Variants in GRM1 observed in about 807,000 individuals in gnomAD.
GRM1 encodes the protein metabotropic glutamate receptor 1.
GRM1 carries 33 observed loss-of-function variants against 90.9 expected under a neutral mutation model. The ratio of observed to expected loss-of-function variants is 0.36; its 90% confidence interval spans 0.28 to 0.49. The LOEUF (loss-of-function observed/expected upper bound fraction) is 0.49, where lower values mean the gene tolerates loss of function less well. Ranked by LOEUF, GRM1 falls within the 20% of genes least tolerant of loss-of-function variation. GRM1 has a pLI of 0.99. For synonymous variants in GRM1, 700 were observed against 613.2 expected (o/e 1.14, Z -2.09); for missense variants, 1,190 against 1,534.3 (o/e 0.78, Z 3.75).
chr6:146,283,125 G>A (rs1782634779), intron 2 of GRM1, among the ~76,000 whole-genome samples: 1 of 152,174 alleles, frequency 6.6e-6, no homozygotes, highest in Non-Finnish European at 1.5e-5. Flanking sequence ...ATAAGGACCA[G>A]ACTTGAGCCC....
chr6:146,335,365 C>A (rs142417891), intron 3 of GRM1, among the ~76,000 whole-genome samples: 1 of 152,118 alleles, frequency 6.6e-6, no homozygotes. Flanking sequence ...TAAATAGGGA[C>A]CCTAAGGGTC....
intron 1 of GRM1, among the ~76,000 whole-genome samples, chr6:146,124,680 CA>C (rs1562478869): frequency 6.6e-6 from 1 of 151,968 alleles, no homozygotes; most frequent in Non-Finnish European, 1.5e-5. Context: ...ATATATATTA[CA>C]ATAAACATTT....
At chr6:146,397,705 G>T (rs1777017401) in intron 6 of GRM1, among the ~76,000 whole-genome samples, 1 of 152,038 alleles carries the variant, frequency 6.6e-6, no homozygotes, top group Non-Finnish European at 1.5e-5. Flanking sequence ...CTGTTGATTA[G>T]TTGGCACTCA....
Position 146,117,541 on chromosome 6 carries a change from T to G in GRM1, c.701-41807T>G, listed in dbSNP as rs532613170. On this transcript the variant is annotated intron_variant, in intron 1 of 7. Coordinates refer to ENST00000282753, the MANE Select transcript of GRM1 (RefSeq NM_001278064.2). ...TCTAATTTATTTTTCTTGTGATCACTTCTATATTTTATTTTCTTTTTGCAC... is the reference window on the plus strand; with the variant it reads ...TCTAATTTATTTTTCTTGTGATCACGTCTATATTTTATTTTCTTTTTGCAC... Among the ~76,000 whole-genome samples, 2 of 152,184 alleles carry G rather than the reference T, an allele frequency of 1.3e-5. 1 individual carries two copies. Among genetic ancestry groups the G allele is most frequent in the South Asian group, 4.1e-4 (2 of 4,826 alleles).
chr6:146,203,443 C>T (rs1221447336), intron 2 of GRM1, among the ~76,000 whole-genome samples: 1 of 152,088 alleles, frequency 6.6e-6, no homozygotes, highest in Admixed American at 6.6e-5. Context: ...TGTAGGAGTG[C>T]ATGCAAAGTG....
intron 1 of GRM1, among the ~76,000 whole-genome samples, chr6:146,155,265 ATG>A (rs1777481942): frequency 6.6e-6 from 1 of 152,208 alleles, no homozygotes; most frequent in Non-Finnish European, 1.5e-5. Context: ...AGATTATAAT[ATG>A]GTACTTTTAC....
intron 1 of GRM1, among the ~76,000 whole-genome samples, chr6:146,068,112 T>G (rs1245890727): frequency 7.4e-6 from 1 of 134,282 alleles, no homozygotes; most frequent in African/African-American, 2.6e-5. Context: ...AACCTTCAAA[T>G]AATTTTTTTT....
chr6:146,207,625 A>G lies in GRM1; in HGVS notation c.950+48028A>G, dbSNP rs185544928. ...AGAGGAGTAATGGGCAGGAAAAGCTAGAGACACCCCCAGATATTTGGCCAT... is the reference window on the plus strand; with the variant it reads ...AGAGGAGTAATGGGCAGGAAAAGCTGGAGACACCCCCAGATATTTGGCCAT... On this transcript the variant is annotated intron_variant, in intron 2 of 7. Coordinates refer to ENST00000282753, the MANE Select transcript of GRM1 (RefSeq NM_001278064.2). 1.4e-3 allele frequency among the ~76,000 whole-genome samples: 209 copies of G among 152,302 alleles called. 1 individual carries two copies. The highest frequency in any genetic ancestry group is 0.01 in the Middle Eastern group (3 of 294).
intron 2 of GRM1, among the ~76,000 whole-genome samples, chr6:146,181,647 C>T (rs1392710004): frequency 2.6e-5 from 4 of 151,928 alleles, no homozygotes; most frequent in South Asian, 2.1e-4. Context: ...GTTAGAAATT[C>T]ATAGGTTGAT....
At chr6:146,120,280 T>C (rs1166131825) in intron 1 of GRM1, among the ~76,000 whole-genome samples, 3 of 152,250 alleles carry the variant, frequency 2.0e-5, no homozygotes, top group Non-Finnish European at 2.9e-5. Flanking sequence ...TTTTTCCACA[T>C]TGATTTTGTA....
At chr6:146,114,703 G>T (rs1242880063) in intron 1 of GRM1, among the ~76,000 whole-genome samples, 1 of 152,036 alleles carries the variant, frequency 6.6e-6, no homozygotes, top group Non-Finnish European at 1.5e-5. Context: ...TGGATAGAAA[G>T]GAATGTATTA....
At chr6:146,355,604 A>C (rs2115049300) in intron 4 of GRM1, among the ~76,000 whole-genome samples, 1 of 152,254 alleles carries the variant, frequency 6.6e-6, no homozygotes, top group Non-Finnish European at 1.5e-5. Context: ...GACAGAATGC[A>C]TTTGCACATT....
intron 2 of GRM1, among the ~76,000 whole-genome samples, chr6:146,207,296 A>G (rs952535113): frequency 9.2e-5 from 14 of 152,146 alleles, no homozygotes; most frequent in Admixed American, 1.3e-4. Flanking sequence ...AAGTGTTTGT[A>G]ATAACAACTC....
At chr6:146,138,815 T>G (rs990979634) in intron 1 of GRM1, among the ~76,000 whole-genome samples, 1 of 152,104 alleles carries the variant, frequency 6.6e-6, no homozygotes, top group Non-Finnish European at 1.5e-5. Context: ...TCCTTTGTTT[T>G]AATTTCATTT....
At chr6:146,199,085 A>G (rs534776800) in intron 2 of GRM1, among the ~76,000 whole-genome samples, 1 of 152,302 alleles carries the variant, frequency 6.6e-6, no homozygotes, top group Middle Eastern at 3.4e-3. Flanking sequence ...CTCCTAGACC[A>G]GGTCAGCAGA....
chr6:146,106,970 G>A (rs894811288), intron 1 of GRM1, among the ~76,000 whole-genome samples: 1 of 152,130 alleles, frequency 6.6e-6, no homozygotes, highest in Non-Finnish European at 1.5e-5. Flanking sequence ...CAAGAGTAGC[G>A]AACTTACTCT....
At chr6:146,127,854 T>C (rs2128879308) in intron 1 of GRM1, among the ~76,000 whole-genome samples, 1 of 152,328 alleles carries the variant, frequency 6.6e-6, no homozygotes, top group South Asian at 2.1e-4. Context: ...TGCATTTTTG[T>C]CATGATTGTG....
chr6:146,047,335 G>T (rs1403008198), intron 1 of GRM1, among the ~76,000 whole-genome samples: 1 of 151,864 alleles, frequency 6.6e-6, no homozygotes, highest in African/African-American at 2.4e-5. Context: ...CGACACCTTT[G>T]CAAGGAAGCC....
intron 2 of GRM1, among the ~76,000 whole-genome samples, chr6:146,224,253 C>T (rs1237802630): frequency 1.3e-5 from 2 of 152,130 alleles, no homozygotes; most frequent in South Asian, 2.1e-4. Context: ...TAATGAAATA[C>T]CAGAGTGAGG....
Sources: allele counts gnomAD v4.1 joint callset (sites outside exome capture counted in the v4.1 genomes callset), GRCh38; gene constraint gnomAD v4.1.1; transcripts MANE v1.5; gene names NCBI Gene and HGNC (gene_info 2026-07-23, HGNC 2026-07-21).